EYS: variants seen among roughly 807,000 people sequenced by gnomAD.
The protein encoded by EYS is EGF-like photoreceptor maintenance factor.
Under a neutral mutation model 282.1 loss-of-function variants are expected in EYS, and 250 were observed. The ratio of observed to expected loss-of-function variants is 0.89; its 90% CI spans 0.80 to 0.98. The LOEUF (loss-of-function observed/expected upper bound fraction) is 0.98, where lower values mean the gene tolerates loss of function less well. Among genes scored for constraint, EYS ranks in the 50% least tolerant of loss-of-function variants. The pLI is 0.00. For synonymous variants in EYS, 1,355 were observed against 1,282.9 expected, an observed-to-expected ratio of 1.06 and a Z score of -1.20; for missense variants, 4,016 against 3,709.0, an observed-to-expected ratio of 1.08 and a Z score of -2.15.
chr6:65,454,414 A>G (rs1041023471), intron 5 of EYS, among the ~76,000 whole-genome samples: 1 of 151,920 alleles, frequency 6.6e-6, no homozygotes, highest in African/African-American at 2.4e-5. Context: ...ATCCTTTGTT[A>G]GATGTATAAT....
chr6:63,852,629 T>C (rs1772288737), intron 36 of EYS, among the ~76,000 whole-genome samples: 1 of 152,098 alleles, frequency 6.6e-6, no homozygotes, highest in Non-Finnish European at 1.5e-5. Context: ...CTAACACATT[T>C]TATGAGGCTA....
In EYS at chr6:65,344,127, C is replaced by A. The variant is rs1419579370; in HGVS notation, c.1510G>T (p.Ala504Ser). The change falls in exon 10 of 43, where the codon GCT (alanine) becomes TCT (serine). Residue 504 changes from alanine (A) to serine (S), a missense_variant. By Grantham distance (99) the Ala-to-Ser change is moderately conservative. Coordinates refer to ENST00000503581, the MANE Select transcript of EYS (RefSeq NM_001142800.2). ...GTTGCATCTTCAGTGCAGTTTGCAG[C>A]CAGAAAGAAATAGGCATCAATAACC... Reference protein sequence around the residue: ...QGVIDAYFFLAANCTEDATYV... With the variant: ...QGVIDAYFFLSANCTEDATYV... 6.2e-7 allele frequency: 1 copy of A among 1,610,188 alleles called. No homozygotes were observed. The highest frequency in any genetic ancestry group is 1.7e-5 in the Admixed American group (1 of 59,650).
chr6:64,850,376 T>C (rs1463956539), intron 19 of EYS, among the ~76,000 whole-genome samples: 3 of 152,120 alleles, frequency 2.0e-5, no homozygotes, highest in African/African-American at 7.2e-5. Context: ...CTCCATTTCA[T>C]GTAAGGCACT....
intron 15 of EYS, among the ~76,000 whole-genome samples, chr6:64,943,388 A>ATTC (rs1253474605): frequency 3.9e-5 from 6 of 152,076 alleles, no homozygotes; most frequent in African/African-American, 1.4e-4. Context: ...TCCAAAAAGG[A>ATTC]ACAAAATAAG....
chr6:64,222,323 A>G (rs1014607924), intron 31 of EYS, among the ~76,000 whole-genome samples: 3 of 152,134 alleles, frequency 2.0e-5, no homozygotes, highest in Non-Finnish European at 2.9e-5. Context: ...TCAAAGGCAC[A>G]TCGCATGTTG....
intron 28 of EYS, among the ~76,000 whole-genome samples, chr6:64,413,630 C>T (rs1241368148): frequency 6.6e-6 from 1 of 150,806 alleles, no homozygotes; most frequent in Non-Finnish European, 1.5e-5. Flanking sequence ...CAGAAAATAT[C>T]GTAAAGGTTA....
At chr6:63,773,407 C>A (rs1769984751) in intron 40 of EYS, among the ~76,000 whole-genome samples, 1 of 152,132 alleles carries the variant, frequency 6.6e-6, no homozygotes, top group Non-Finnish European at 1.5e-5. Context: ...ACCAAGCTGG[C>A]CATAGCTTCA....
Position 65,360,713 on chromosome 6 carries a change from C to CA in EYS, c.1300-7097dup, listed in dbSNP as rs201717771. On this transcript the variant is annotated intron_variant, in intron 8 of 42. Coordinates refer to ENST00000503581, the MANE Select transcript of EYS (RefSeq NM_001142800.2). ...CTCCAACTGTTATGCTAAAAAGAGA[C>CA]AAAAAGTTTAAATTACGGCATCCTT... 6.4e-3 allele frequency among the ~76,000 whole-genome samples: 979 copies of CA among 152,094 alleles called. 18 individuals carry two copies. Among genetic ancestry groups the CA allele is most frequent in the African/African-American group, 0.022 (915 of 41,488 alleles).
chr6:64,617,481 A>T lies in EYS; in HGVS notation c.3621T>A (p.Cys1207Ter). The change falls in exon 24 of 43, where the codon TGT (cysteine) becomes TGA (stop). Residue 1207 changes from cysteine (C) to a stop codon, truncating the protein, a stop_gained. Transcript: ENST00000503581. LOFTEE classifies it high-confidence loss of function. ...ENELECIPNS[C>*]VHELCMENEP... ...CATTCTCCATGCAGAGTTCATGAACACATGAGTTGGGAATGCACTCAAGCT... is the reference window on the plus strand; with the variant it reads ...CATTCTCCATGCAGAGTTCATGAACTCATGAGTTGGGAATGCACTCAAGCT... The T allele has an allele frequency of 6.4e-7, 1 of 1,551,090 alleles. No individual in the cohort carries two copies. Among genetic ancestry groups the T allele is most frequent in the Non-Finnish European group, 8.7e-7 (1 of 1,146,544 alleles).
At chr6:65,151,792 G>T (rs1764617382) in intron 12 of EYS, among the ~76,000 whole-genome samples, 1 of 151,488 alleles carries the variant, frequency 6.6e-6, no homozygotes, top group South Asian at 2.1e-4. Flanking sequence ...TAAAATATTT[G>T]GACATAGTCT....
intron 33 of EYS, among the ~76,000 whole-genome samples, chr6:64,012,796 C>T (rs1348010735): frequency 2.0e-5 from 3 of 152,128 alleles, no homozygotes; most frequent in East Asian, 1.9e-4. Context: ...AAAAGGATCA[C>T]GCATAAAAGC....
chr6:65,134,815 T>A (rs1424999879), intron 12 of EYS, among the ~76,000 whole-genome samples: 2 of 152,034 alleles, frequency 1.3e-5, no homozygotes, highest in African/African-American at 4.8e-5. Context: ...GCAAATTACA[T>A]TGTGGGGCCA....
intron 19 of EYS, among the ~76,000 whole-genome samples, chr6:64,863,324 A>G (rs1005405943): frequency 1.3e-5 from 2 of 152,116 alleles, no homozygotes; most frequent in African/African-American, 4.8e-5. Context: ...TTTATTCATT[A>G]TTCCCACTAG....
chr6:65,537,705 A>C (rs1328779730), intron 2 of EYS, among the ~76,000 whole-genome samples: 1 of 152,194 alleles, frequency 6.6e-6, no homozygotes, highest in Non-Finnish European at 1.5e-5. Context: ...CTCTGATAAA[A>C]ATTATTGCTA....
chr6:63,910,060 G>C (rs868480341), intron 35 of EYS, among the ~76,000 whole-genome samples: 1 of 152,198 alleles, frequency 6.6e-6, no homozygotes. Flanking sequence ...GGACGAAGGA[G>C]GAAGAGGAGG....
intron 29 of EYS, among the ~76,000 whole-genome samples, chr6:64,380,755 C>A (rs1349409532): frequency 6.6e-6 from 1 of 152,092 alleles, no homozygotes; most frequent in Non-Finnish European, 1.5e-5. Context: ...GGGTGGCTCA[C>A]GCCTATAATA....
At chr6:65,268,661 A>G (rs1767819900) in intron 12 of EYS, among the ~76,000 whole-genome samples, 3 of 152,092 alleles carry the variant, frequency 2.0e-5, no homozygotes, top group Admixed American at 2.0e-4. Context: ...TTTAGCAACT[A>G]TATCGAAATT....
chr6:65,397,693 T>C (rs1004702235), intron 7 of EYS, among the ~76,000 whole-genome samples: 3 of 151,684 alleles, frequency 2.0e-5, no homozygotes, highest in African/African-American at 7.3e-5. Context: ...GACTTTGCTA[T>C]TGTGAATTGT....
At position 64,822,726 on chromosome 6, in the gene EYS, C is replaced by T. The variant is rs1764936871; in HGVS notation, c.3089G>A (p.Cys1030Tyr). 1 of 1,549,296 alleles carries T rather than the reference C, an allele frequency of 6.5e-7. No individual in the cohort carries two copies. Among genetic ancestry groups the T allele is most frequent in the Admixed American group, 2.0e-5 (1 of 50,748 alleles). Residue 1030 changes from cysteine (C) to tyrosine (Y), a missense_variant, in exon 20 of 43, where the codon TGC becomes TAC. Physicochemically the swap from Cys to Tyr is radical, Grantham distance 194 (BLOSUM62 -2). Coordinates refer to ENST00000503581, the MANE Select transcript of EYS (RefSeq NM_001142800.2). ...GTGTGTTCCAAAAAACCCACTCTTGCAGTCACAGGTATAATGATTGATGCC... is the reference window on the plus strand; with the variant it reads ...GTGTGTTCCAAAAAACCCACTCTTGTAGTCACAGGTATAATGATTGATGCC... The part of the protein sequence containing the change: ...IDGINHYTCD[C>Y]KSGFFGTHCE...
Sources: allele counts gnomAD v4.1 joint callset (sites outside exome capture counted in the v4.1 genomes callset), GRCh38; gene constraint gnomAD v4.1.1; transcripts MANE v1.5; gene names NCBI Gene and HGNC (gene_info 2026-07-23, HGNC 2026-07-21).